Variants in HS6ST3 observed in about 807,000 individuals in gnomAD.
The protein encoded by HS6ST3 is heparan sulfate 6-O-sulfotransferase 3.
In HS6ST3, 12 loss-of-function variants were observed where a neutral mutation model predicts 36.7. That is an observed-to-expected ratio of 0.33 (90% CI 0.21 to 0.53). The LOEUF is 0.53. HS6ST3 is among the 20% of genes least tolerant of loss of function. HS6ST3 has a pLI of 0.95. For synonymous variants in HS6ST3, 240 were observed against 257.5 expected (o/e 0.93, Z 0.65); for missense variants, 584 against 640.9 (o/e 0.91, Z 0.96).
intron 1 of HS6ST3, among the ~76,000 whole-genome samples, chr13:96,314,980 A>G (rs537049530): frequency 3.9e-5 from 6 of 152,300 alleles, no homozygotes; most frequent in African/African-American, 1.2e-4. Context: ...ACAAAGCAGA[A>G]TGTGTCAGAA....
intron 1 of HS6ST3, among the ~76,000 whole-genome samples, chr13:96,170,792 C>G (rs1263452749): frequency 6.6e-6 from 1 of 152,126 alleles, no homozygotes; most frequent in African/African-American, 2.4e-5. Flanking sequence ...GCTCAAAAAC[C>G]AAAATGAAAA....
chr13:96,134,195 T>A (rs12868267), intron 1 of HS6ST3, among the ~76,000 whole-genome samples: 2 of 152,160 alleles, frequency 1.3e-5, no homozygotes, highest in African/African-American at 4.8e-5. Context: ...ACTTTTGTTG[T>A]TCTTTTATTT....
chr13:96,417,039 C>T (rs893516689), intron 1 of HS6ST3, among the ~76,000 whole-genome samples: 11 of 152,166 alleles, frequency 7.2e-5, no homozygotes, highest in South Asian at 2.1e-4. Flanking sequence ...CGTGAGCCAC[C>T]GCGCCCGGCC....
At chr13:96,158,790 C>T (rs1386263012) in intron 1 of HS6ST3, among the ~76,000 whole-genome samples, 1 of 151,280 alleles carries the variant, frequency 6.6e-6, no homozygotes, top group African/African-American at 2.4e-5. Context: ...AACATTAACA[C>T]AAGCTAGGGA....
chr13:96,321,511 G>T (rs1287385217), intron 1 of HS6ST3, among the ~76,000 whole-genome samples: 1 of 152,040 alleles, frequency 6.6e-6, no homozygotes, highest in Non-Finnish European at 1.5e-5. Context: ...TGATCACCAT[G>T]TCCTAGATTC....
At chr13:96,612,360 GCTTCTATGT>G (rs1184003819) in intron 1 of HS6ST3, among the ~76,000 whole-genome samples, 4 of 151,886 alleles carry the variant, frequency 2.6e-5, no homozygotes, top group African/African-American at 9.7e-5. Context: ...ATTTATTGTA[GCTTCTATGT>G]CTTCACCACC....
intron 1 of HS6ST3, among the ~76,000 whole-genome samples, chr13:96,774,352 G>A (rs1350940847): frequency 6.6e-6 from 1 of 152,112 alleles, no homozygotes; most frequent in Non-Finnish European, 1.5e-5. Context: ...ACAGAAGTAG[G>A]CTTCAGAAGG....
chr13:96,397,343 A>G (rs2055427315), intron 1 of HS6ST3, among the ~76,000 whole-genome samples: 1 of 152,234 alleles, frequency 6.6e-6, no homozygotes, highest in African/African-American at 2.4e-5. Flanking sequence ...TTATTACTAT[A>G]TTATTAAATA....
At chr13:96,488,435 T>G (rs985475296) in intron 1 of HS6ST3, among the ~76,000 whole-genome samples, 2 of 152,118 alleles carry the variant, frequency 1.3e-5, no homozygotes, top group African/African-American at 2.4e-5. Context: ...GGTAGTTGTA[T>G]TATATATCAA....
intron 1 of HS6ST3, among the ~76,000 whole-genome samples, chr13:96,704,273 T>C (rs1013925922): frequency 6.6e-6 from 1 of 152,178 alleles, no homozygotes; most frequent in African/African-American, 2.4e-5. Flanking sequence ...TCCTATAGTG[T>C]CTGTCTCCTG....
intron 1 of HS6ST3, among the ~76,000 whole-genome samples, chr13:96,818,292 G>A (rs1476621619): frequency 6.6e-6 from 1 of 152,192 alleles, no homozygotes; most frequent in Non-Finnish European, 1.5e-5. Context: ...AGCCACTGCA[G>A]CTGAAAGATC....
intron 1 of HS6ST3, among the ~76,000 whole-genome samples, chr13:96,681,509 A>G (rs530847979): frequency 6.6e-6 from 1 of 152,256 alleles, no homozygotes; most frequent in South Asian, 2.1e-4. Context: ...CTTTCATTGG[A>G]CTTTCTGTCC....
chr13:96,743,605 T>C (rs1924586), intron 1 of HS6ST3, among the ~76,000 whole-genome samples: 92,528 of 151,910 alleles, frequency 0.61, 29,563 homozygotes, highest in African/African-American at 0.81. Context: ...AATGGGGGCA[T>C]GTTTCTTTCT....
intron 1 of HS6ST3, among the ~76,000 whole-genome samples, chr13:96,537,992 A>G (rs1175409288): frequency 2.0e-5 from 3 of 152,218 alleles, no homozygotes; most frequent in African/African-American, 7.2e-5. Flanking sequence ...CCTCCCTTCA[A>G]TCTTACAGTT....
intron 1 of HS6ST3, among the ~76,000 whole-genome samples, chr13:96,383,199 C>G (rs1455030834): frequency 6.6e-6 from 1 of 151,958 alleles, no homozygotes; most frequent in Non-Finnish European, 1.5e-5. Flanking sequence ...CTCCTGTAAT[C>G]CCAGCACTTT....
At chr13:96,410,515 C>A (rs1251225813) in intron 1 of HS6ST3, among the ~76,000 whole-genome samples, 3 of 151,770 alleles carry the variant, frequency 2.0e-5, no homozygotes, top group African/African-American at 7.3e-5. Flanking sequence ...AAAACAACAA[C>A]AATACCACTC....
chr13:96,790,262 C>T (rs887690006), intron 1 of HS6ST3, among the ~76,000 whole-genome samples: 3 of 116,744 alleles, frequency 2.6e-5, no homozygotes, highest in Non-Finnish European at 3.5e-5. Flanking sequence ...GCTGATAAAA[C>T]ACACATGTAC....
intron 1 of HS6ST3, among the ~76,000 whole-genome samples, chr13:96,615,383 A>G (rs1173509949): frequency 6.6e-6 from 1 of 152,216 alleles, no homozygotes; most frequent in Non-Finnish European, 1.5e-5. Context: ...TGTTGAGAGC[A>G]TGTAATTGCA....
Position 96,090,766 on chromosome 13 carries a change from A to C in HS6ST3, c.-97A>C. The stretch of plus-strand genomic sequence containing the variant: ...GGGCATGGAGGAACGGCGGGCTCCG[A>C]GCCGCGCCCCGGAGTCCGCGAAACT... On this transcript the variant is annotated 5_prime_UTR_variant, in exon 1 of 2. Coordinates refer to ENST00000376705, the MANE Select transcript of HS6ST3 (RefSeq NM_153456.4). 3 of 1,018,326 alleles carry C rather than the reference A, an allele frequency of 2.9e-6. No homozygotes were observed. Among genetic ancestry groups the C allele is most frequent in the Non-Finnish European group, 3.8e-6 (3 of 784,230 alleles). The allele number at this position is 1,018,326 out of a possible 1,614,324, so 63.1% of individuals were successfully genotyped here.
Sources: gnomAD v4.1 joint callset for allele counts (sites outside exome capture counted in the v4.1 genomes callset) on GRCh38, gnomAD v4.1.1 for gene constraint, MANE v1.5 for transcripts, NCBI Gene and HGNC (gene_info 2026-07-23, HGNC 2026-07-21) for gene names.